IFNAR1: variants seen among roughly 807,000 people sequenced by gnomAD.
IFNAR1 encodes interferon alpha/beta receptor 1.
IFNAR1 carries 47 observed loss-of-function variants against 62.1 expected under a neutral mutation model. That is an observed-to-expected ratio of 0.76 (90% CI 0.60 to 0.97). The LOEUF is 0.97. Ranked by LOEUF, IFNAR1 falls within the 50% of genes least tolerant of loss-of-function variation. The pLI, the probability that IFNAR1 is intolerant of heterozygous loss-of-function variation, is 0.00. For missense variants in IFNAR1, 638 were observed against 654.5 expected, an observed-to-expected ratio of 0.97 and a Z score of 0.27; for synonymous variants, 219 against 226.9, an observed-to-expected ratio of 0.97 and a Z score of 0.31.
chr21:33,353,030 T>A, intron 9 of IFNAR1, 122 bp downstream of exon 9: 4 of 589,506 alleles, frequency 6.8e-6, no homozygotes, highest in Non-Finnish European at 1.1e-5. Flanking sequence ...AGAAAGAATG[T>A]TTTCTTCATG....
rs1409062242 is a variant in IFNAR1 at position 33,325,081 on chromosome 21, CG to C, written c.27del (p.Thr10ProfsTer2). 6.2e-7 allele frequency: 1 copy of C among 1,609,992 alleles called. No individual in the cohort carries two copies. The highest frequency in any genetic ancestry group is 1.1e-5 in the South Asian group (1 of 90,520). On this transcript the variant is annotated frameshift_variant, in exon 1 of 11. Transcript: ENST00000270139. LOFTEE classifies it high-confidence loss of function. ...ATGATGGTCGTCCTCCTGGGCGCGA[CG>C]ACCCTAGTGCTCGTCGCCGTGGCGC... MMVVLLGA[T>X]TLVLVAVAPW...
chr21:33,340,343 C>T (rs1175607232), intron 2 of IFNAR1, among the ~76,000 whole-genome samples: 2 of 151,950 alleles, frequency 1.3e-5, no homozygotes, highest in Non-Finnish European at 2.9e-5. Flanking sequence ...TCCAATTCCC[C>T]AGTTTCTATT....
chr21:33,354,337 G>T lies in IFNAR1; in HGVS notation c.1440+554G>T, dbSNP rs539850428. 1.4e-3 allele frequency among the ~76,000 whole-genome samples: 210 copies of T among 152,276 alleles called. 2 individuals are homozygous for T. The highest frequency in any genetic ancestry group is 4.1e-3 in the Admixed American group (63 of 15,302). ...AGCCTGGGTGACAGAGCAAGACTCTGTCTCTAAATAAGTAAATAAAGTCTG... is the reference window on the plus strand; with the variant it reads ...AGCCTGGGTGACAGAGCAAGACTCTTTCTCTAAATAAGTAAATAAAGTCTG... On this transcript the variant is annotated intron_variant, in intron 10 of 10. Coordinates refer to ENST00000270139, the MANE Select transcript of IFNAR1 (RefSeq NM_000629.3).
chr21:33,353,608 A>G (rs747715737), intron 9 of IFNAR1, 30 bp from the exon 10 acceptor site: 1 of 1,363,402 alleles, frequency 7.3e-7, no homozygotes, highest in South Asian at 1.3e-5. Context: ...ATGTCAAAAT[A>G]TATGCTAAAT....
rs774587648 is a variant in IFNAR1 at position 33,345,241 on chromosome 21, T to G, written c.674-5T>G. ...GCTTTTTTTTATCTGTTCTTTGGCT[T>G]CTAGTTGAAAATGAACTACCTCCAC... On this transcript the variant is annotated splice_region_variant and splice_polypyrimidine_tract_variant and intron_variant, in intron 5 of 10. Coordinates refer to ENST00000270139, the MANE Select transcript of IFNAR1 (RefSeq NM_000629.3). 4 of 1,402,338 alleles carry G rather than the reference T, an allele frequency of 2.9e-6. No homozygotes were observed. The highest frequency in any genetic ancestry group is 4.0e-6 in the Non-Finnish European group (4 of 991,582). 86.9% of individuals were successfully genotyped at this position (1,402,338 alleles called of 1,614,324 possible).
intron 6 of IFNAR1, among the ~76,000 whole-genome samples, chr21:33,347,489 A>C (rs1268641392): frequency 6.6e-6 from 1 of 151,682 alleles, no homozygotes; most frequent in African/African-American, 2.4e-5. Flanking sequence ...CTGTTCGCAA[A>C]CTCCTGGCCC....
At chr21:33,345,383 C>T in intron 6 of IFNAR1, 23 bp downstream of exon 6, 5 of 1,307,924 alleles carry the variant, frequency 3.8e-6, no homozygotes, top group Non-Finnish European at 5.5e-6. Context: ...CCATAAATTT[C>T]CTTTTGCCCA....
chr21:33,333,618 TTTTTTTTC>T lies in IFNAR1; in HGVS notation c.77-1898_77-1891del, dbSNP rs1368022494. Among the ~76,000 whole-genome samples, 8 of 131,822 alleles carry T rather than the reference TTTTTTTTC, an allele frequency of 6.1e-5. 1 individual carries two copies. Among genetic ancestry groups the T allele is most frequent in the African/African-American group, 2.6e-4 (8 of 30,604 alleles). The allele number at this position is 131,822 out of a possible 152,430, so 86.5% of individuals were successfully genotyped here. A position where few individuals can be genotyped will look rare whatever the true frequency, so the allele number is the denominator to read the frequency against. On this transcript the variant is annotated intron_variant, in intron 1 of 10. Transcript: ENST00000270139. ...ACTTAAAGAGACTGGCGGAATATTT[TTTTTTTTC>T]TTTTTTTTTTTTTTTGAGACGGAGT...
intron 1 of IFNAR1, among the ~76,000 whole-genome samples, chr21:33,326,967 C>G (rs2083132769): frequency 6.6e-6 from 1 of 152,070 alleles, no homozygotes; most frequent in African/African-American, 2.4e-5. Context: ...AGAATCAGGG[C>G]TAGCATCCCA....
In IFNAR1 at chr21:33,341,146, G is replaced by A. The variant is rs187018238; in HGVS notation, c.348G>A (p.Glu116=). The A allele has an allele frequency of 2.5e-6, 4 of 1,612,068 alleles. No homozygotes were observed. The highest frequency in any genetic ancestry group is 2.7e-5 in the African/African-American group (2 of 74,878). ...AAGAAAACACTTCTTCATGGTATGA[G>A]GTTGACTCATTTACACCATTTCGCA... ...AEKENTSSWY[E]VDSFTPFRKA... Residue 116 remains glutamate, a synonymous_variant, in exon 3 of 11, where the codon GAG becomes GAA. Coordinates refer to ENST00000270139, the MANE Select transcript of IFNAR1 (RefSeq NM_000629.3).
At chr21:33,347,384 C>T (rs2083358894) in intron 6 of IFNAR1, among the ~76,000 whole-genome samples, 1 of 152,194 alleles carries the variant, frequency 6.6e-6, no homozygotes, top group Non-Finnish European at 1.5e-5. Flanking sequence ...CCCGCCTCAG[C>T]CTCCCAAAGT....
At position 33,343,530 on chromosome 21, in the gene IFNAR1, T is replaced by C. The variant is rs1284074967; in HGVS notation, c.532-5T>C. On this transcript the variant is annotated splice_region_variant and splice_polypyrimidine_tract_variant and intron_variant, in intron 4 of 10. Coordinates refer to ENST00000270139, the MANE Select transcript of IFNAR1 (RefSeq NM_000629.3). ...TTAAAGAACCAACTTATATTTGTGT[T>C]ATAGGAAAGGATTGAAAATATTTAT... 1.3e-6 allele frequency: 2 copies of C among 1,528,900 alleles called. No homozygotes were observed. Among genetic ancestry groups the C allele is most frequent in the Non-Finnish European group, 1.8e-6 (2 of 1,109,818 alleles). The allele number at this position is 1,528,900 out of a possible 1,614,324, so 94.7% of individuals were successfully genotyped here.
chr21:33,349,378 A>AT lies in IFNAR1; in HGVS notation c.989-5dup. 1 of 1,579,100 alleles carries AT rather than the reference A, an allele frequency of 6.3e-7. No individual in the cohort carries two copies. The highest frequency in any genetic ancestry group is 8.6e-7 in the Non-Finnish European group (1 of 1,165,868). ...CTAATTGAACATTATTTCTTTACAAATTTTTTCTAGCTTTCCTACTTCCTC... is the reference window on the plus strand; with the variant it reads ...CTAATTGAACATTATTTCTTTACAAATTTTTTTCTAGCTTTCCTACTTCCTC... On this transcript the variant is annotated splice_polypyrimidine_tract_variant and intron_variant, in intron 7 of 10. Coordinates refer to ENST00000270139, the MANE Select transcript of IFNAR1 (RefSeq NM_000629.3).
chr21:33,330,594 A>G (rs1258785652), intron 1 of IFNAR1, among the ~76,000 whole-genome samples: 1 of 152,178 alleles, frequency 6.6e-6, no homozygotes, highest in East Asian at 1.9e-4. Context: ...AAGATGGCCA[A>G]CTAGAAGCCC....
intron 3 of IFNAR1, among the ~76,000 whole-genome samples, chr21:33,341,707 G>A (rs1054830638): frequency 6.6e-6 from 1 of 151,728 alleles, no homozygotes; most frequent in Non-Finnish European, 1.5e-5. Context: ...TTGAGACAGA[G>A]TTTTGTTCTT....
In IFNAR1 at chr21:33,357,530, G is replaced by GTTTTTTTTTTTTTTTTTTTT. The variant is rs36125058; in HGVS notation, c.*1996_*1997insTTTTTTTTTTTTTTTTTTTT. The GTTTTTTTTTTTTTTTTTTTT allele has an allele frequency of 2.1e-5, 3 of 139,672 alleles. No individual in the cohort carries two copies. The highest frequency in any genetic ancestry group is 7.1e-5 in the Admixed American group (1 of 14,032). 8.7% of individuals were successfully genotyped at this position (139,672 alleles called of 1,614,324 possible). A position where few individuals can be genotyped will look rare whatever the true frequency, so the allele number is the denominator to read the frequency against. On this transcript the variant is annotated 3_prime_UTR_variant, in exon 11 of 11. Transcript: ENST00000270139. ...ATTTTCATCTTTCTGACCAGAGGCT[G>GTTTTTTTTTTTTTTTTTTTT]TTTTTTTTTTTTTTTGAGACAGTCT...
chr21:33,324,911 G>A, upstream of IFNAR1: 4 of 660,244 alleles, frequency 6.1e-6, no homozygotes, highest in South Asian at 7.1e-5. Flanking sequence ...GTCAGAAGAG[G>A]CGGCGCGTGC....
chr21:33,352,976 A>G (rs1348342188), intron 9 of IFNAR1, 68 bp downstream of exon 9: 1 of 1,089,544 alleles, frequency 9.2e-7, no homozygotes, highest in South Asian at 2.6e-5. Context: ...TATACTGTAC[A>G]TTGAAAATTG....
intron 1 of IFNAR1, among the ~76,000 whole-genome samples, chr21:33,332,873 C>T (rs1388563572): frequency 6.6e-6 from 1 of 152,106 alleles, no homozygotes; most frequent in Non-Finnish European, 1.5e-5. Context: ...ATTAAAGGAA[C>T]AAACGTTCAT....
Sources: gnomAD v4.1 joint callset for allele counts (sites outside exome capture counted in the v4.1 genomes callset) on GRCh38, gnomAD v4.1.1 for gene constraint, MANE v1.5 for transcripts, NCBI Gene and HGNC (gene_info 2026-07-23, HGNC 2026-07-21) for gene names.